The following SMARCA2 variants were observed in gnomAD, a reference collection of about 807,000 sequenced individuals.
SMARCA2 encodes the protein SWI/SNF related BAF chromatin remodeling complex subunit ATPase 2.
In SMARCA2, 61 loss-of-function variants were observed where a neutral mutation model predicts 199.8. That is an observed-to-expected ratio of 0.31 (90% CI 0.25 to 0.38). The LOEUF (loss-of-function observed/expected upper bound fraction) is 0.38, where lower values mean the gene tolerates loss of function less well. Among genes scored for constraint, SMARCA2 ranks in the 10% least tolerant of loss-of-function variants. SMARCA2 has a pLI of 1.00. For synonymous variants in SMARCA2, 935 were observed against 732.0 expected (o/e 1.28, Z -4.48); for missense variants, 1,344 against 2,012.2 (o/e 0.67, Z 6.35).
chr9:2,095,117 G>A (rs1218021548), intron 19 of SMARCA2, among the ~76,000 whole-genome samples: 2 of 143,004 alleles, frequency 1.4e-5, no homozygotes, highest in Non-Finnish European at 3.0e-5. Flanking sequence ...ACAGAGTCTT[G>A]CTCCGTCACC....
intron 32 of SMARCA2, 51 bp from the exon 33 acceptor site, chr9:2,191,215 G>T (rs1420044037): frequency 6.3e-7 from 1 of 1,579,728 alleles, no homozygotes; most frequent in East Asian, 2.2e-5. Flanking sequence ...CCTATACAAA[G>T]ATCTCCTTGT....
At chr9:2,149,369 A>T (rs1308421629) in intron 27 of SMARCA2, among the ~76,000 whole-genome samples, 2 of 151,212 alleles carry the variant, frequency 1.3e-5, no homozygotes, top group Middle Eastern at 3.4e-3. Flanking sequence ...ATATAAAAAA[A>T]ATTAGCCAGG....
chr9:2,081,789 T>G lies in SMARCA2; in HGVS notation c.2185-43T>G, dbSNP rs372398584. On this transcript the variant is annotated intron_variant, in intron 14 of 33. Coordinates refer to ENST00000349721, the MANE Select transcript of SMARCA2 (RefSeq NM_003070.5). ...TTGGGTTGTATTAGGATTAATTACC[T>G]GTGCAGATCTTGGATAATTGAAGCA... 46 of 1,581,970 alleles carry G rather than the reference T, an allele frequency of 2.9e-5. No homozygotes were observed. In the African/African-American group the frequency reaches 5.8e-4, roughly 20 times the overall value.
intron 27 of SMARCA2, among the ~76,000 whole-genome samples, chr9:2,139,072 G>C (rs1416776193): frequency 6.6e-6 from 1 of 152,238 alleles, no homozygotes; most frequent in Non-Finnish European, 1.5e-5. Flanking sequence ...GTGCTGACAG[G>C]ATGTGATGGA....
chr9:2,160,103 T>G, intron 27 of SMARCA2: 1 of 671,666 alleles, frequency 1.5e-6, no homozygotes, highest in Non-Finnish European at 2.4e-6. Flanking sequence ...GCCTCCAAGA[T>G]ATGCGGGACA....
Position 2,055,336 on chromosome 9 carries a change from C to G in SMARCA2, c.1173+613C>G, listed in dbSNP as rs538199230. Among the ~76,000 whole-genome samples the G allele has an allele frequency of 2.6e-5, 4 of 152,278 alleles. No homozygotes were observed. The South Asian group carries it at 8.3e-4, about 32-fold the overall frequency. Reference sequence around the variant, plus strand: ...AAAAGCCAGTATAATGACCTATTTTCTGATTTCTAAATTAGTAAGAGACAA... The same window carrying G: ...AAAAGCCAGTATAATGACCTATTTTGTGATTTCTAAATTAGTAAGAGACAA... On this transcript the variant is annotated intron_variant, in intron 6 of 33. Coordinates refer to ENST00000349721, the MANE Select transcript of SMARCA2 (RefSeq NM_003070.5).
chr9:2,088,938 A>C (rs2130494535), intron 19 of SMARCA2, among the ~76,000 whole-genome samples: 1 of 146,902 alleles, frequency 6.8e-6, no homozygotes, highest in South Asian at 2.1e-4. Flanking sequence ...GCACTGTAGA[A>C]TTGTTCTGCT....
intron 31 of SMARCA2, among the ~76,000 whole-genome samples, chr9:2,185,511 T>G (rs189104911): frequency 6.6e-6 from 1 of 152,364 alleles, no homozygotes; most frequent in East Asian, 1.9e-4. Flanking sequence ...CCTCTTGTGA[T>G]TCTTTATATA....
At chr9:2,148,950 G>T (rs534431858) in intron 27 of SMARCA2, among the ~76,000 whole-genome samples, 1 of 151,536 alleles carries the variant, frequency 6.6e-6, no homozygotes, top group African/African-American at 2.4e-5. Context: ...TTTCAGCCAT[G>T]TATTACCAGC....
At chr9:2,029,876 C>T (rs1313925809) in intron 2 of SMARCA2, among the ~76,000 whole-genome samples, 1 of 152,194 alleles carries the variant, frequency 6.6e-6, no homozygotes, top group Non-Finnish European at 1.5e-5. Context: ...ATTTATGAGG[C>T]TTGGATTGTT....
At chr9:2,065,133 C>T (rs1820776930) in intron 9 of SMARCA2, among the ~76,000 whole-genome samples, 1 of 151,950 alleles carries the variant, frequency 6.6e-6, no homozygotes, top group Non-Finnish European at 1.5e-5. Context: ...TGCAGTGAGC[C>T]GAGACGGCGC....
At chr9:2,078,394 C>G (rs959167366) in intron 14 of SMARCA2, among the ~76,000 whole-genome samples, 1 of 152,006 alleles carries the variant, frequency 6.6e-6, no homozygotes, top group African/African-American at 2.4e-5. Flanking sequence ...ATCGCTTGAG[C>G]TCCGGAGGTG....
chr9:2,052,241 A>G (rs912320256), intron 5 of SMARCA2, among the ~76,000 whole-genome samples: 2 of 152,258 alleles, frequency 1.3e-5, no homozygotes, highest in African/African-American at 4.8e-5. Flanking sequence ...CGGGAGGCCG[A>G]TGCCTGCGGA....
At position 2,028,197 on chromosome 9, in the gene SMARCA2, G is replaced by A. The variant is rs549468478; in HGVS notation, c.-36-790G>A. On this transcript the variant is annotated intron_variant, in intron 1 of 33. Coordinates refer to ENST00000349721, the MANE Select transcript of SMARCA2 (RefSeq NM_003070.5). The stretch of plus-strand genomic sequence containing the variant: ...AAATCCCTGGTTTTAACTGTCTGAG[G>A]GGGTCTCTGCTTCAATTAATTAGCT... 4.9e-4 allele frequency among the ~76,000 whole-genome samples: 74 copies of A among 152,278 alleles called. 1 individual carries two copies. The highest frequency in any genetic ancestry group is 4.8e-3 in the Admixed American group (74 of 15,310).
rs191147342 is a variant in SMARCA2 at position 2,034,765 on chromosome 9, T to A, written c.355+1684T>A. On this transcript the variant is annotated intron_variant, in intron 3 of 33. Transcript: ENST00000349721. ...ATAGGAGTGCCTCCCCACTAGTATT[T>A]GAACAGGCTTTTGAACATCCCAGAC... Among the ~76,000 whole-genome samples the A allele has an allele frequency of 2.3e-3, 353 of 152,270 alleles. 2 individuals are homozygous for A. Among genetic ancestry groups the A allele is most frequent in the African/African-American group, 7.9e-3 (328 of 41,558 alleles).
At chr9:2,182,505 T>TC (rs1563836947) in intron 31 of SMARCA2, among the ~76,000 whole-genome samples, 4 of 117,514 alleles carry the variant, frequency 3.4e-5, no homozygotes, top group African/African-American at 1.3e-4. Context: ...TTTTTTTTTT[T>TC]CCTTTTTTGA....
chr9:2,144,485 C>A (rs1454920711), intron 27 of SMARCA2, among the ~76,000 whole-genome samples: 2 of 152,116 alleles, frequency 1.3e-5, no homozygotes, highest in African/African-American at 4.8e-5. Flanking sequence ...CTTTCTGAGT[C>A]CCGACAAGGT....
At chr9:2,160,605 T>C in intron 27 of SMARCA2, 1 of 702,546 alleles carries the variant, frequency 1.4e-6, no homozygotes, top group South Asian at 1.5e-5. Context: ...TGTTTGGTGC[T>C]GTGGAGAAAT....
chr9:2,043,570 T>C (rs1051281500), intron 4 of SMARCA2: 2 of 152,236 alleles, frequency 1.3e-5, no homozygotes, highest in African/African-American at 4.8e-5. Context: ...TCTGAAATTT[T>C]ATATGCTCAA....
Sources: allele counts gnomAD v4.1 joint callset (sites outside exome capture counted in the v4.1 genomes callset), GRCh38; gene constraint gnomAD v4.1.1; transcripts MANE v1.5; gene names NCBI Gene and HGNC (gene_info 2026-07-23, HGNC 2026-07-21).